C11orf65: variants seen among roughly 807,000 people sequenced by gnomAD.
C11orf65 encodes protein MFI.
A neutral mutation model predicts 35.3 loss-of-function variants in C11orf65; 38 were observed. That is an observed-to-expected ratio of 1.08 (90% CI 0.83 to 1.41). The LOEUF (loss-of-function observed/expected upper bound fraction) is 1.41, where lower values mean the gene tolerates loss of function less well. C11orf65 is among the 40% of genes most tolerant of loss of function. The probability of loss-of-function intolerance (pLI) is 0.00; values close to 1 mark genes in which losing one functional copy is unlikely to be tolerated. For missense variants in C11orf65, 370 were observed against 367.1 expected (o/e 1.01, Z -0.06); for synonymous variants, 105 against 114.4 (o/e 0.92, Z 0.53).
At position 108,393,396 on chromosome 11, in the gene C11orf65, A is replaced by G. The variant is rs1477407382; in HGVS notation, c.561-18T>C. On this transcript the variant is annotated intron_variant, in intron 6 of 8. Transcript: ENST00000393084. ...AGTAGTACCTAAATAGGCAAAAGGGAAAGAGAAGTAAATCTTTTGAAATAG... is the reference window on the plus strand; with the variant it reads ...AGTAGTACCTAAATAGGCAAAAGGGGAAGAGAAGTAAATCTTTTGAAATAG... The G allele has an allele frequency of 6.2e-7, 1 of 1,602,034 alleles. No homozygotes were observed. Among genetic ancestry groups the G allele is most frequent in the African/African-American group, 1.3e-5 (1 of 74,754 alleles).
rs554346389 is a variant in C11orf65 at position 108,395,956 on chromosome 11, T to G, written c.561-2578A>C. 2.0e-5 allele frequency among the ~76,000 whole-genome samples: 3 copies of G among 151,832 alleles called. No homozygotes were observed. The South Asian group carries it at 6.3e-4, about 32-fold the overall frequency. ...AAAATAATAATAATAAAAAAAGAAGTGTAAATCTATGTAAAGCATTTAGAA... is the reference window on the plus strand; with the variant it reads ...AAAATAATAATAATAAAAAAAGAAGGGTAAATCTATGTAAAGCATTTAGAA... On this transcript the variant is annotated intron_variant, in intron 6 of 8. Coordinates refer to ENST00000393084, the MANE Select transcript of C11orf65 (RefSeq NM_152587.5).
rs3092836 is a variant in C11orf65 at position 108,366,935 on chromosome 11, T to C, written c.226+26273A>G. 0.02 allele frequency: 4,373 copies of C among 221,776 alleles called. 125 individuals are homozygous for C. The highest frequency in any genetic ancestry group is 0.077 in the African/African-American group (3,438 of 44,764). 13.7% of individuals were successfully genotyped at this position (221,776 alleles called of 1,614,324 possible). On this transcript the variant is annotated intron_variant, in intron 2 of 3. Transcript: ENST00000524755. ...CCGTGGGTTAATGAGACTGGCAAATTGTTCCAGGACAGCTACAGCATCAGC... is the reference window on the plus strand; with the variant it reads ...CCGTGGGTTAATGAGACTGGCAAATCGTTCCAGGACAGCTACAGCATCAGC...
rs2136242185 is a variant in C11orf65 at position 108,321,389 on chromosome 11, G to A, written c.641-12318C>T. On this transcript the variant is annotated intron_variant, in intron 6 of 6. Coordinates refer to the C11orf65 transcript ENST00000525729. ...ACTTAGCAGGTTGCAGGCCATTGGAGAGCTGGAAAGCATTGGGGAGCTTTT... is the reference window on the plus strand; with the variant it reads ...ACTTAGCAGGTTGCAGGCCATTGGAAAGCTGGAAAGCATTGGGGAGCTTTT... 2.5e-6 allele frequency: 4 copies of A among 1,614,194 alleles called. No individual in the cohort carries two copies. Among genetic ancestry groups the A allele is most frequent in the South Asian group, 1.1e-5 (1 of 91,080 alleles).
At chr11:108,371,846 C>A (rs1311471074) in intron 2 of C11orf65, among the ~76,000 whole-genome samples, 2 of 152,234 alleles carry the variant, frequency 1.3e-5, no homozygotes, top group African/African-American at 2.4e-5. Context: ...TACAACTCCA[C>A]CATCAGTGCA....
chr11:108,453,311 A>G (rs771012292), intron 2 of C11orf65, among the ~76,000 whole-genome samples: 2 of 152,100 alleles, frequency 1.3e-5, no homozygotes, highest in Non-Finnish European at 2.9e-5. Flanking sequence ...ATTACCACCA[A>G]GAAAGGGAAA....
At chr11:108,365,561 C>T (rs2091267822) in intron 2 of C11orf65, 8 of 1,573,834 alleles carry the variant, frequency 5.1e-6, no homozygotes, top group Non-Finnish European at 6.9e-6. Flanking sequence ...TATATTTTAG[C>T]CTTTATTTTT....
At chr11:108,396,491 T>G (rs987638063) in intron 6 of C11orf65, among the ~76,000 whole-genome samples, 1 of 152,134 alleles carries the variant, frequency 6.6e-6, no homozygotes, top group Non-Finnish European at 1.5e-5. Context: ...AAGAGAGTCA[T>G]AGTAATTGTT....
In C11orf65 at chr11:108,325,515, A is replaced by G. The variant is rs1365474284; in HGVS notation, c.641-16444T>C. ...CACCAAACACCTTGTAGAACTCTCT[A>G]TACTGGCCAGAACTTTCAAGAACAC... On this transcript the variant is annotated intron_variant, in intron 6 of 6. Coordinates refer to the C11orf65 transcript ENST00000525729. 1 of 1,611,598 alleles carries G rather than the reference A, an allele frequency of 6.2e-7. No homozygotes were observed. Among genetic ancestry groups the G allele is most frequent in the Admixed American group, 1.7e-5 (1 of 60,006 alleles).
At chr11:108,429,032 AG>A (rs2092948827) in intron 3 of C11orf65, among the ~76,000 whole-genome samples, 1 of 152,108 alleles carries the variant, frequency 6.6e-6, no homozygotes, top group Admixed American at 6.5e-5. Context: ...CTGTTGCTCC[AG>A]CTACTTGTGA....
chr11:108,395,013 C>G (rs1438600143), intron 6 of C11orf65, among the ~76,000 whole-genome samples: 2 of 152,084 alleles, frequency 1.3e-5, no homozygotes, highest in Non-Finnish European at 2.9e-5. Context: ...CGCCTGTAGT[C>G]CCAGCTACTG....
At chr11:108,461,187 A>C (rs1323617528) in intron 2 of C11orf65, among the ~76,000 whole-genome samples, 7 of 152,130 alleles carry the variant, frequency 4.6e-5, no homozygotes, top group Non-Finnish European at 1.5e-5. Context: ...GGATCACCTG[A>C]AGTCAGGAGT....
At chr11:108,407,811 A>T (rs2079183844) in intron 3 of C11orf65, among the ~76,000 whole-genome samples, 1 of 150,840 alleles carries the variant, frequency 6.6e-6, no homozygotes. Flanking sequence ...AGGCACCTGT[A>T]GTCTCAGCTA....
chr11:108,420,339 G>A (rs1054311422), intron 3 of C11orf65, among the ~76,000 whole-genome samples: 5 of 152,150 alleles, frequency 3.3e-5, no homozygotes, highest in South Asian at 4.1e-4. Flanking sequence ...TGGAAGAAAG[G>A]GGAGGGAAGA....
intron 6 of C11orf65, among the ~76,000 whole-genome samples, chr11:108,317,758 G>A (rs2084874910): frequency 6.7e-6 from 1 of 149,728 alleles, no homozygotes; most frequent in Non-Finnish European, 1.5e-5. Flanking sequence ...GCAAGCTATA[G>A]ATAGCCCTAA....
chr11:108,401,010 G>C (rs2092428988), intron 6 of C11orf65, among the ~76,000 whole-genome samples: 1 of 152,128 alleles, frequency 6.6e-6, no homozygotes, highest in Admixed American at 6.5e-5. Flanking sequence ...TCGGCAGGCT[G>C]AGATAGGAGA....
At chr11:108,402,955 C>T (rs371995026) in intron 6 of C11orf65, among the ~76,000 whole-genome samples, 1 of 152,058 alleles carries the variant, frequency 6.6e-6, no homozygotes, top group Non-Finnish European at 1.5e-5. Flanking sequence ...GTGTAGATAT[C>T]CTACCACTTG....
intron 7 of C11orf65, among the ~76,000 whole-genome samples, chr11:108,388,790 C>T (rs753676376): frequency 6.6e-5 from 10 of 152,180 alleles, no homozygotes; most frequent in African/African-American, 1.9e-4. Flanking sequence ...TGCATAACTC[C>T]GTGATGGTGA....
intron 6 of C11orf65, among the ~76,000 whole-genome samples, chr11:108,324,986 A>G (rs1388895148): frequency 6.6e-6 from 1 of 152,114 alleles, no homozygotes; most frequent in Non-Finnish European, 1.5e-5. Context: ...ATTCTTTATG[A>G]TAGGTCTGAT....
intron 6 of C11orf65, chr11:108,325,648 A>T (rs2085602164): frequency 5.2e-6 from 5 of 969,478 alleles, no homozygotes; most frequent in African/African-American, 1.6e-5. Context: ...AGAGATAGAG[A>T]TCTCTATTAA....
Sources: allele counts gnomAD v4.1 joint callset (sites outside exome capture counted in the v4.1 genomes callset), GRCh38; gene constraint gnomAD v4.1.1; transcripts MANE v1.5; gene names NCBI Gene and HGNC (gene_info 2026-07-23, HGNC 2026-07-21).